TCF7: variants seen among roughly 807,000 people sequenced by gnomAD.
The protein encoded by TCF7 is T-cell-factor-7.
TCF7 carries 19 observed loss-of-function variants against 46.8 expected under a neutral mutation model. That is an observed-to-expected ratio of 0.41 (90% confidence interval 0.28 to 0.60). The LOEUF (loss-of-function observed/expected upper bound fraction) is 0.60. Among genes scored for constraint, TCF7 ranks in the 20% least tolerant of loss-of-function variants. The pLI, the probability that TCF7 is intolerant of heterozygous loss-of-function variation, is 0.35. For missense variants in TCF7, 547 were observed against 504.6 expected, an observed-to-expected ratio of 1.08 and a Z score of -0.81; for synonymous variants, 245 against 213.4, an observed-to-expected ratio of 1.15 and a Z score of -1.29.
upstream of TCF7, among the ~76,000 whole-genome samples, chr5:134,110,119 T>C (rs1021934950): frequency 2.0e-5 from 3 of 152,176 alleles, no homozygotes; most frequent in Non-Finnish European, 4.4e-5. Context: ...AAATAACCCA[T>C]GGGAATAGTC....
rs1755566551 is a variant in TCF7 at position 134,114,805 on chromosome 5, GAGCT to G, written c.-101_-98del. ...GCCCGCGCTCCGCCCGCCGCGATCC[GAGCT>G]CGGAGGTTCGGACTCCGGGCTCGCC... On this transcript the variant is annotated 5_prime_UTR_variant, in exon 1 of 10. Transcript: ENST00000342854. The G allele has an allele frequency of 1.0e-6, 1 of 970,134 alleles. No homozygotes were observed. Among genetic ancestry groups the G allele is most frequent in the Non-Finnish European group, 1.2e-6 (1 of 818,160 alleles). The allele number at this position is 970,134 out of a possible 1,614,324, so 60.1% of individuals were successfully genotyped here.
At chr5:134,139,183 T>C in intron 5 of TCF7, 145 bp downstream of exon 5, 1 of 1,309,928 alleles carries the variant, frequency 7.6e-7, no homozygotes. Context: ...AGCAACTCTG[T>C]CCTAACCTGG....
chr5:134,146,283 C>T lies in TCF7; in HGVS notation c.1135C>T (p.Leu379Phe). 1 of 1,614,206 alleles carries T rather than the reference C, an allele frequency of 6.2e-7. No individual in the cohort carries two copies. Among genetic ancestry groups the T allele is most frequent in the Non-Finnish European group, 8.5e-7 (1 of 1,180,038 alleles). ...GAAGGCCGCTGCCCCAGCCCCGTTC[C>T]TTCCGATGACAGTGCTCTAGGCTGC... ...PEKAAAPAPF[L>F]PMTVL is the part of the protein sequence containing the mutation. Residue 379 changes from leucine (L) to phenylalanine (F), a missense_variant, in exon 10 of 10, where the codon CTT (leucine) becomes TTT (phenylalanine). By Grantham distance (22) the Leu-to-Phe change is conservative. Around this residue, in one of 3 missense-constraint regions of TCF7, gnomAD observed 90 missense variants for 88.8 expected, o/e 1.01. Transcript: ENST00000342854.
rs1760480627 is a variant in TCF7 at position 134,145,035 on chromosome 5, A to G, written c.1076-1189A>G. On this transcript the variant is annotated intron_variant, in intron 9 of 9. Transcript: ENST00000342854. ...GAGAATAGTAGTAAATACTGAACAC[A>G]GCGCGTGGAGAAGACCACTTGGGTC... is the stretch of plus-strand genomic sequence containing the variant. 4 of 664,470 alleles carry G rather than the reference A, an allele frequency of 6.0e-6. No homozygotes were observed. The South Asian group carries it at 6.8e-5, about 11-fold the overall frequency. 41.2% of individuals were successfully genotyped at this position (664,470 alleles called of 1,614,324 possible).
intron 3 of TCF7, among the ~76,000 whole-genome samples, chr5:134,117,066 G>A (rs1245590223): frequency 6.6e-6 from 1 of 152,272 alleles, no homozygotes; most frequent in Non-Finnish European, 1.5e-5. Context: ...AAGCCAGTGG[G>A]AATGAGAAGA....
chr5:134,127,368 A>G (rs547497081), intron 3 of TCF7, among the ~76,000 whole-genome samples: 35 of 152,370 alleles, frequency 2.3e-4, no homozygotes, highest in African/African-American at 7.7e-4. Flanking sequence ...GTTATATGGA[A>G]AAGTATCCGT....
upstream of TCF7, among the ~76,000 whole-genome samples, chr5:134,110,971 C>G (rs1561638174): frequency 2.6e-5 from 4 of 152,238 alleles, no homozygotes; most frequent in South Asian, 6.2e-4. Flanking sequence ...CTAACAACTT[C>G]CGAAAAATAT....
rs370732060 is a variant in TCF7, at chr5:134,138,901, T to A, written c.548-50T>A. 6 of 1,608,030 alleles carry A rather than the reference T, an allele frequency of 3.7e-6. No individual in the cohort carries two copies. In the African/African-American group the frequency reaches 8.0e-5, roughly 21 times the overall value. On this transcript the variant is annotated intron_variant, in intron 4 of 9. Coordinates refer to ENST00000342854, the MANE Select transcript of TCF7 (RefSeq NM_003202.5). Reference sequence around the variant, plus strand: ...TTCTAGGATGCAGTAACTGCTGATATGGCCTGCCAGGTCAGGCTAGCCCAC... The same window carrying A: ...TTCTAGGATGCAGTAACTGCTGATAAGGCCTGCCAGGTCAGGCTAGCCCAC...
rs767599780 is a variant in TCF7 at position 134,146,507 on chromosome 5, A to G, written c.*204A>G. 1 of 738,322 alleles carries G rather than the reference A, an allele frequency of 1.4e-6. No homozygotes were observed. The highest frequency in any genetic ancestry group is 2.5e-6 in the Non-Finnish European group (1 of 402,706). The allele number at this position is 738,322 out of a possible 1,614,324, so 45.7% of individuals were successfully genotyped here. ...ACAGGTACAGCAACAGGAATCTCAG[A>G]GACAGGTGGCCTAGCAGGCACAGGA... On this transcript the variant is annotated 3_prime_UTR_variant, in exon 10 of 10. Transcript: ENST00000342854.
At position 134,138,049 on chromosome 5, in the gene TCF7, C is replaced by A. The variant is rs772307103; in HGVS notation, c.442-10C>A. 6.3e-7 allele frequency: 1 copy of A among 1,587,636 alleles called. No homozygotes were observed. The highest frequency in any genetic ancestry group is 8.6e-7 in the Non-Finnish European group (1 of 1,162,684). ...CGCCACACTCACCCACCCTCCTTCT[C>A]ATTTTTCAGCACAAGGCCAATCAGC... On this transcript the variant is annotated splice_polypyrimidine_tract_variant and intron_variant, in intron 3 of 9. Coordinates refer to ENST00000342854, the MANE Select transcript of TCF7 (RefSeq NM_003202.5).
At chr5:134,124,683 C>A (rs1296287927) in intron 3 of TCF7, among the ~76,000 whole-genome samples, 1 of 152,240 alleles carries the variant, frequency 6.6e-6, no homozygotes, top group East Asian at 1.9e-4. Flanking sequence ...CCCTGCCCCC[C>A]ATTAAAACCA....
At chr5:134,143,817 A>G in intron 9 of TCF7, 177 bp downstream of exon 9, 2 of 671,670 alleles carry the variant, frequency 3.0e-6, no homozygotes, top group Non-Finnish European at 5.0e-6. Context: ...AAACAGCTAT[A>G]TTATACTAAG....
intron 3 of TCF7, among the ~76,000 whole-genome samples, chr5:134,124,815 G>A (rs926407435): frequency 6.6e-6 from 1 of 152,222 alleles, no homozygotes; most frequent in African/African-American, 2.4e-5. Flanking sequence ...GGAACAGTGG[G>A]TGTGGACTTT....
Position 134,143,691 on chromosome 5 carries a change from C to T in TCF7, c.1075+51C>T, listed in dbSNP as rs1312171260. On this transcript the variant is annotated intron_variant, in intron 9 of 9. Transcript: ENST00000342854. ...GAGGCTCCTCTCCATGTCCCCATTT[C>T]AAGAGCAGCCCTCCTCTGACCCAAA... The T allele has an allele frequency of 2.5e-6, 4 of 1,607,542 alleles. No homozygotes were observed. The African/African-American group carries it at 5.3e-5, about 21-fold the overall frequency.
At chr5:134,142,055 G>C (rs1759869638) in intron 5 of TCF7, 130 bp from the exon 6 acceptor site, 1 of 1,313,424 alleles carries the variant, frequency 7.6e-7, no homozygotes, top group African/African-American at 1.5e-5. Flanking sequence ...CTTATGTCTA[G>C]GCCAGTAGGA....
chr5:134,124,712 G>A (rs1445468884), intron 3 of TCF7, among the ~76,000 whole-genome samples: 3 of 152,188 alleles, frequency 2.0e-5, no homozygotes. Flanking sequence ...CTCTTCAAGG[G>A]CAGGAAAGCT....
intron 5 of TCF7, chr5:134,139,880 T>C (rs2149343925): frequency 6.6e-6 from 1 of 152,378 alleles, no homozygotes; most frequent in South Asian, 2.1e-4. Flanking sequence ...GGACAATCCA[T>C]TCTGAATACA....
At position 134,142,977 on chromosome 5, in the gene TCF7, C is replaced by T; in HGVS notation, c.919-16C>T. ...ACTCCCTGATGCACCCCACCTGCCC[C>T]TCTTCCCTGTTGCAGTGGCACGCGC... is the stretch of plus-strand genomic sequence containing the variant. On this transcript the variant is annotated splice_polypyrimidine_tract_variant and intron_variant, in intron 7 of 9. Transcript: ENST00000342854. 1.2e-6 allele frequency: 2 copies of T among 1,613,788 alleles called. No homozygotes were observed. Among genetic ancestry groups the T allele is most frequent in the Non-Finnish European group, 1.7e-6 (2 of 1,179,772 alleles).
intron 3 of TCF7, among the ~76,000 whole-genome samples, chr5:134,117,478 A>C (rs1052632914): frequency 6.6e-6 from 1 of 152,220 alleles, no homozygotes; most frequent in African/African-American, 2.4e-5. Context: ...CCGTGGAACC[A>C]TGATTAGACA....
Sources: allele counts gnomAD v4.1 joint callset (sites outside exome capture counted in the v4.1 genomes callset), GRCh38; gene constraint gnomAD v4.1.1; regional missense constraint gnomAD v4.1.1; transcripts MANE v1.5; gene names NCBI Gene and HGNC (gene_info 2026-07-23, HGNC 2026-07-21).